Variants in SUGCT observed in about 807,000 individuals in gnomAD.
The protein encoded by SUGCT is succinyl-CoA:glutarate CoA-transferase.
SUGCT carries 41 observed loss-of-function variants against 55.0 expected under a neutral mutation model. The observed-to-expected ratio is 0.74, with a 90% confidence interval of 0.58 to 0.97. The LOEUF is 0.97. Ranked by LOEUF, SUGCT falls within the 50% of genes least tolerant of loss-of-function variation. The pLI is 0.00. For synonymous variants in SUGCT, 187 were observed against 200.4 expected, an observed-to-expected ratio of 0.93 and a Z score of 0.56; for missense variants, 568 against 547.8, an observed-to-expected ratio of 1.04 and a Z score of -0.37.
rs1341401114 is a variant in SUGCT, at chr7:40,469,477, G to C, written c.986+10279G>C. Among the ~76,000 whole-genome samples, 3 of 152,196 alleles carry C rather than the reference G, an allele frequency of 2.0e-5. No individual in the cohort carries two copies. In the East Asian group the frequency reaches 5.8e-4, roughly 29 times the overall value. Reference sequence around the variant, plus strand: ...ATTTTCTGAATGTTGGTTATTTGGAGATAGATTTAAGTGGCTGTGTTTTGT... The same window carrying C: ...ATTTTCTGAATGTTGGTTATTTGGACATAGATTTAAGTGGCTGTGTTTTGT... On this transcript the variant is annotated intron_variant, in intron 11 of 13. Coordinates refer to ENST00000335693, the MANE Select transcript of SUGCT (RefSeq NM_001193313.2).
At chr7:40,824,318 C>T (rs1275550935) in intron 13 of SUGCT, among the ~76,000 whole-genome samples, 1 of 151,996 alleles carries the variant, frequency 6.6e-6, no homozygotes, top group African/African-American at 2.4e-5. Context: ...GGCCCGCTTG[C>T]CATTTCAAAG....
intron 6 of SUGCT, among the ~76,000 whole-genome samples, chr7:40,211,171 G>A (rs1368298638): frequency 2.0e-5 from 3 of 151,638 alleles, no homozygotes; most frequent in African/African-American, 4.8e-5. Context: ...ATGGGGTTTC[G>A]CCATATTGCC....
intron 12 of SUGCT, among the ~76,000 whole-genome samples, chr7:40,623,435 A>C (rs1040675035): frequency 2.0e-5 from 3 of 152,080 alleles, no homozygotes; most frequent in Non-Finnish European, 4.4e-5. Context: ...TAAATAGGAG[A>C]GCTGCATTTC....
chr7:40,661,147 A>G (rs530071572), intron 12 of SUGCT, among the ~76,000 whole-genome samples: 1 of 152,304 alleles, frequency 6.6e-6, no homozygotes, highest in East Asian at 1.9e-4. Context: ...TAAGATGTTC[A>G]TTTCACACCT....
the SUGCT span, among the ~76,000 whole-genome samples, chr7:40,906,524 T>C: frequency 2.0e-5 from 3 of 152,086 alleles, no homozygotes; most frequent in African/African-American, 7.2e-5. Context: ...CAACTACAGA[T>C]AGAAAATATT....
chr7:40,873,123 A>T, the SUGCT span, among the ~76,000 whole-genome samples: 2 of 152,206 alleles, frequency 1.3e-5, no homozygotes, highest in Non-Finnish European at 2.9e-5. Flanking sequence ...ACTTAAGGAC[A>T]TGAAAAAGAG....
chr7:40,868,991 A>G, the SUGCT span, among the ~76,000 whole-genome samples: 2 of 152,260 alleles, frequency 1.3e-5, no homozygotes, highest in Non-Finnish European at 1.5e-5. Flanking sequence ...CCAATGTAAC[A>G]TTATGTAAAC....
chr7:40,983,234 G>A, the SUGCT span, among the ~76,000 whole-genome samples: 5 of 152,086 alleles, frequency 3.3e-5, no homozygotes, highest in Non-Finnish European at 7.4e-5. Context: ...ACGATGGTTG[G>A]TCTTGTGGTC....
At chr7:40,747,732 C>T (rs893423590) in intron 12 of SUGCT, among the ~76,000 whole-genome samples, 4 of 152,000 alleles carry the variant, frequency 2.6e-5, no homozygotes, top group Admixed American at 2.6e-4. Flanking sequence ...ACTAAGGTTC[C>T]AGTAATAGAT....
At chr7:40,472,436 A>T (rs965501686) in intron 11 of SUGCT, among the ~76,000 whole-genome samples, 3 of 152,160 alleles carry the variant, frequency 2.0e-5, no homozygotes, top group African/African-American at 7.2e-5. Flanking sequence ...TATGCTAGCA[A>T]CGGCATAAAG....
At chr7:40,790,614 G>A (rs972320176) in intron 13 of SUGCT, among the ~76,000 whole-genome samples, 1 of 152,164 alleles carries the variant, frequency 6.6e-6, no homozygotes, top group African/African-American at 2.4e-5. Context: ...GAAATTATTT[G>A]CAGACAAATA....
chr7:40,575,124 GT>G (rs113752396), intron 12 of SUGCT, among the ~76,000 whole-genome samples: 1,923 of 143,662 alleles, frequency 0.013, 98 homozygotes, highest in African/African-American at 0.053. Context: ...GGTGGCGGGG[GT>G]GGGGGTGGAG....
At chr7:41,028,930 G>T in the SUGCT span, among the ~76,000 whole-genome samples, 136 of 152,298 alleles carry the variant, frequency 8.9e-4, 1 homozygote, top group African/African-American at 3.1e-3. Context: ...TCAGCTCTCG[G>T]CAGTGTTAAT....
chr7:40,398,136 A>G (rs1785843839), intron 9 of SUGCT, among the ~76,000 whole-genome samples: 1 of 152,090 alleles, frequency 6.6e-6, no homozygotes, highest in Admixed American at 6.6e-5. Flanking sequence ...TCTGTCATCA[A>G]GCTGGAGTGC....
At chr7:40,832,485 A>G (rs1168931684) in intron 13 of SUGCT, among the ~76,000 whole-genome samples, 1 of 151,754 alleles carries the variant, frequency 6.6e-6, no homozygotes, top group Non-Finnish European at 1.5e-5. Flanking sequence ...CAGTTAAGAG[A>G]AGGATAGCTA....
intron 13 of SUGCT, among the ~76,000 whole-genome samples, chr7:40,858,395 TTCC>T (rs1794300190): frequency 9.6e-6 from 1 of 104,188 alleles, no homozygotes; most frequent in Non-Finnish European, 1.8e-5. Context: ...AAGAGCAAAA[TTCC>T]ATCTCAAAAA....
At chr7:40,654,002 A>G (rs1232697653) in intron 12 of SUGCT, among the ~76,000 whole-genome samples, 1 of 152,192 alleles carries the variant, frequency 6.6e-6, no homozygotes, top group Non-Finnish European at 1.5e-5. Flanking sequence ...CAATTAAAAA[A>G]AAAAAGGATA....
chr7:40,578,064 CA>C (rs1336042277), intron 12 of SUGCT, among the ~76,000 whole-genome samples: 1 of 152,190 alleles, frequency 6.6e-6, no homozygotes, highest in Non-Finnish European at 1.5e-5. Flanking sequence ...TACTCTAACA[CA>C]TTGGTTCTCA....
intron 11 of SUGCT, among the ~76,000 whole-genome samples, chr7:40,491,296 G>A (rs527712859): frequency 2.6e-5 from 4 of 152,244 alleles, no homozygotes; most frequent in African/African-American, 4.8e-5. Context: ...CTGGGTGTGC[G>A]GAATCAAGGG....
Sources: allele counts gnomAD v4.1 joint callset (sites outside exome capture counted in the v4.1 genomes callset), GRCh38; gene constraint gnomAD v4.1.1; transcripts MANE v1.5; gene names NCBI Gene and HGNC (gene_info 2026-07-23, HGNC 2026-07-21).